Variants in CFAP47 observed in about 807,000 individuals in gnomAD.
The protein encoded by CFAP47 is cilia- and flagella-associated protein 47.
CFAP47 carries 29 observed loss-of-function variants against 148.1 expected under a neutral mutation model. That is an observed-to-expected ratio of 0.20 (90% CI 0.15 to 0.27). The LOEUF is 0.27. Ranked by LOEUF, CFAP47 falls within the 10% of genes least tolerant of loss-of-function variation. CFAP47 has a pLI of 1.00. For missense variants in CFAP47, 1,872 were observed against 1,697.5 expected (o/e 1.10, Z -1.81); for synonymous variants, 664 against 577.3 (o/e 1.15, Z -2.15).
chrX:36,003,107 G>T (rs1306879466), intron 21 of CFAP47, among the ~76,000 whole-genome samples: 1 of 110,644 alleles, frequency 9.0e-6, no homozygotes, highest in Non-Finnish European at 1.9e-5. Context: ...TTATTAGGTT[G>T]AGGAAGTTTC....
chrX:36,166,053 T>G (rs1203594001), intron 39 of CFAP47, among the ~76,000 whole-genome samples: 1 of 111,655 alleles, frequency 9.0e-6, no homozygotes, highest in Non-Finnish European at 1.9e-5. Flanking sequence ...TATAGTTTTT[T>G]ATATTTTAAC....
At chrX:36,319,496 C>G (rs914632155) in intron 57 of CFAP47, among the ~76,000 whole-genome samples, 189 bp downstream of exon 57, 1 of 108,668 alleles carries the variant, frequency 9.2e-6, no homozygotes, top group Non-Finnish European at 1.9e-5. Context: ...ATATATATTA[C>G]ATTTGTATTA....
In CFAP47 at chrX:36,190,033, C is replaced by G; in HGVS notation, c.6176-18C>G. 1 of 297,261 alleles carries G rather than the reference C, an allele frequency of 3.4e-6. No individual in the cohort carries two copies. Among genetic ancestry groups the G allele is most frequent in the Non-Finnish European group, 5.9e-6 (1 of 169,843 alleles). 24.5% of individuals were successfully genotyped at this position (297,261 alleles called of 1,213,427 possible). A position where few individuals can be genotyped will look rare whatever the true frequency, so the allele number is the denominator to read the frequency against. On this transcript the variant is annotated intron_variant, in intron 41 of 63. Coordinates refer to ENST00000378653, the MANE Select transcript of CFAP47 (RefSeq NM_001304548.2). ...TTACAAAATTATATGTCAACAAGCT[C>G]TGTTTATGTTTTGCTAGCAATTAAG... is the stretch of plus-strand genomic sequence containing the variant.
chrX:36,377,417 G>A (rs1364540774), intron 62 of CFAP47, among the ~76,000 whole-genome samples: 1 of 112,272 alleles, frequency 8.9e-6, no homozygotes, highest in African/African-American at 3.2e-5. Flanking sequence ...CTGCATAAAT[G>A]TCTTCTTTTG....
chrX:36,194,344 C>T (rs1383683948), intron 42 of CFAP47, among the ~76,000 whole-genome samples: 2 of 111,241 alleles, frequency 1.8e-5, no homozygotes, highest in South Asian at 3.8e-4. Flanking sequence ...CTATGAAGTT[C>T]CAGACTTTCC....
At chrX:36,096,399 T>C (rs915071517) in intron 30 of CFAP47, among the ~76,000 whole-genome samples, 1 of 111,200 alleles carries the variant, frequency 9.0e-6, no homozygotes, top group East Asian at 2.8e-4. Flanking sequence ...TCTGATGTTT[T>C]TTTCATTTTC....
intron 33 of CFAP47, among the ~76,000 whole-genome samples, chrX:36,133,201 A>G (rs1478022079): frequency 9.0e-6 from 1 of 111,232 alleles, no homozygotes; most frequent in African/African-American, 3.3e-5. Flanking sequence ...TTACTCCACA[A>G]ACTTCACATG....
At chrX:36,179,661 T>G (rs773626262) in intron 40 of CFAP47, among the ~76,000 whole-genome samples, 2 of 112,030 alleles carry the variant, frequency 1.8e-5, no homozygotes, top group Non-Finnish European at 3.8e-5. Context: ...GGTAGTTATG[T>G]TCTATAAAAT....
chrX:36,250,755 A>G (rs1940681501), intron 48 of CFAP47, among the ~76,000 whole-genome samples: 2 of 110,680 alleles, frequency 1.8e-5, no homozygotes, highest in African/African-American at 6.5e-5. Context: ...ACAAAAGTCC[A>G]CATCGTACTG....
At chrX:36,311,619 T>A (rs1163909328) in intron 56 of CFAP47, among the ~76,000 whole-genome samples, 1 of 111,054 alleles carries the variant, frequency 9.0e-6, no homozygotes, top group Non-Finnish European at 1.9e-5. Flanking sequence ...CTATTATTAG[T>A]GCAATTATTG....
rs775106877 is a variant in CFAP47 at position 36,065,667 on chromosome X, A to G, written c.4242A>G (p.Thr1414=). 4.2e-6 allele frequency: 5 copies of G among 1,194,668 alleles called. No homozygotes were observed. The South Asian group carries it at 9.0e-5, about 21-fold the overall frequency. ...GGTTTTCACTTCCAGTTACTGCAAC[A>G]GCAGAAAACTGCATTCTTACTATTT... ...KNWFSLPVTA[T]AENCILTIYP... is the part of the protein sequence containing the mutation. The change falls in exon 27 of 64, where the codon ACA becomes ACG. Residue 1414 remains threonine, a synonymous_variant. Transcript: ENST00000378653.
chrX:36,217,160 C>A (rs1940166825), intron 45 of CFAP47, among the ~76,000 whole-genome samples: 1 of 112,041 alleles, frequency 8.9e-6, no homozygotes, highest in Admixed American at 9.5e-5. Flanking sequence ...ATTATTTTCT[C>A]AGTATTAATT....
intron 1 of CFAP47, among the ~76,000 whole-genome samples, chrX:35,922,604 T>A (rs1475537138): frequency 8.9e-6 from 1 of 112,856 alleles, no homozygotes; most frequent in Non-Finnish European, 1.9e-5. Flanking sequence ...GTATCCCTTG[T>A]TTTCCTTCTG....
chrX:35,929,699 T>C (rs1269920939), intron 2 of CFAP47, among the ~76,000 whole-genome samples: 1 of 110,177 alleles, frequency 9.1e-6, no homozygotes, highest in East Asian at 2.8e-4. Flanking sequence ...TTCAGTATTA[T>C]GTTGTGTAAG....
At chrX:36,059,763 G>A (rs1937579840) in intron 26 of CFAP47, among the ~76,000 whole-genome samples, 1 of 111,881 alleles carries the variant, frequency 8.9e-6, no homozygotes, top group Non-Finnish European at 1.9e-5. Flanking sequence ...GATATGGTTT[G>A]TTTGGCCCTG....
chrX:35,938,298 G>A (rs1935947994), intron 2 of CFAP47, among the ~76,000 whole-genome samples: 1 of 110,658 alleles, frequency 9.0e-6, no homozygotes, highest in African/African-American at 3.3e-5. Context: ...CAGGAATAAA[G>A]TGCATAGGTA....
intron 49 of CFAP47, among the ~76,000 whole-genome samples, chrX:36,257,351 G>T (rs967122280): frequency 1.8e-5 from 2 of 111,363 alleles, no homozygotes; most frequent in Non-Finnish European, 3.8e-5. Flanking sequence ...TTAATATGTT[G>T]ATCATGGCCT....
At chrX:36,306,700 T>C (rs782492995) in intron 54 of CFAP47, 72 bp from the exon 55 acceptor site, 1 of 550,907 alleles carries the variant, frequency 1.8e-6, no homozygotes, top group East Asian at 3.9e-5. Context: ...ATATAGCTAG[T>C]ACACAAAGAT....
chrX:36,111,305 A>T (rs974757850), intron 33 of CFAP47, among the ~76,000 whole-genome samples: 1 of 111,787 alleles, frequency 8.9e-6, no homozygotes, highest in African/African-American at 3.3e-5. Flanking sequence ...AGAGTTTTTG[A>T]CATGAAGTCA....
Sources: gnomAD v4.1 joint callset for allele counts (sites outside exome capture counted in the v4.1 genomes callset) on GRCh38, gnomAD v4.1.1 for gene constraint, MANE v1.5 for transcripts, NCBI Gene and HGNC (gene_info 2026-07-23, HGNC 2026-07-21) for gene names.